EYA4: variants seen among roughly 807,000 people sequenced by gnomAD.
The protein encoded by EYA4 is protein phosphatase EYA4.
Under a neutral mutation model 87.9 loss-of-function variants are expected in EYA4, and 31 were observed. The ratio of observed to expected loss-of-function variants is 0.35; its 90% CI spans 0.27 to 0.48. EYA4 has a LOEUF of 0.48. Among genes scored for constraint, EYA4 ranks in the 20% least tolerant of loss-of-function variants. The pLI is 0.99. For missense variants in EYA4, 678 were observed against 761.4 expected (o/e 0.89, Z 1.29); for synonymous variants, 263 against 270.6 (o/e 0.97, Z 0.28).
chr6:133,506,387 A>G (rs1583494195), intron 14 of EYA4, 192 bp downstream of exon 14: 1 of 501,608 alleles, frequency 2.0e-6, no homozygotes, highest in South Asian at 2.3e-5. Context: ...TGAATAATAC[A>G]TATGTAGAAC....
At chr6:133,465,003 T>A in intron 10 of EYA4, 145 bp downstream of exon 10, 1 of 635,434 alleles carries the variant, frequency 1.6e-6, no homozygotes, top group Non-Finnish European at 2.8e-6. Flanking sequence ...TAGTAAAAAA[T>A]TAGCTATCTA....
At position 133,257,932 on chromosome 6, in the gene EYA4, C is replaced by T. The variant is rs1049425856; in HGVS notation, c.-66+16183C>T. Among the ~76,000 whole-genome samples the T allele has an allele frequency of 3.3e-5, 5 of 152,236 alleles. No homozygotes were observed. In the East Asian group the frequency reaches 7.7e-4, roughly 23 times the overall value. The stretch of plus-strand genomic sequence containing the variant: ...ACTCATTCATGCATTTTAAAAGAAT[C>T]GGTGTTTTTGTATGATACAGTCTTG... On this transcript the variant is annotated intron_variant, in intron 1 of 19. Coordinates refer to ENST00000355286, the MANE Select transcript of EYA4 (RefSeq NM_004100.5).
chr6:133,393,304 T>A (rs910144197), intron 3 of EYA4, among the ~76,000 whole-genome samples: 1 of 152,138 alleles, frequency 6.6e-6, no homozygotes, highest in Non-Finnish European at 1.5e-5. Flanking sequence ...AAAGGTACTA[T>A]TTATTGAGCA....
chr6:133,441,442 T>C (rs1304485944), intron 3 of EYA4, among the ~76,000 whole-genome samples: 1 of 152,194 alleles, frequency 6.6e-6, no homozygotes, highest in African/African-American at 2.4e-5. Context: ...TCTTTTTAAT[T>C]CTCAGCAAGG....
At chr6:133,314,016 T>C (rs1780438343) in intron 2 of EYA4, among the ~76,000 whole-genome samples, 1 of 152,218 alleles carries the variant, frequency 6.6e-6, no homozygotes, top group Admixed American at 6.5e-5. Flanking sequence ...TTGAAAGCTA[T>C]TTCTATATTT....
At chr6:133,404,949 C>T (rs144743904) in intron 3 of EYA4, among the ~76,000 whole-genome samples, 115 of 152,304 alleles carry the variant, frequency 7.6e-4, no homozygotes, top group African/African-American at 2.6e-3. Context: ...CCTGGCAGTA[C>T]CCTGCTTACT....
chr6:133,399,657 A>G (rs1788094988), intron 3 of EYA4, among the ~76,000 whole-genome samples: 4 of 152,232 alleles, frequency 2.6e-5, no homozygotes, highest in Non-Finnish European at 5.9e-5. Context: ...GTGATATGAA[A>G]CGAAAGTTCC....
intron 13 of EYA4, among the ~76,000 whole-genome samples, chr6:133,499,765 GA>G (rs1411873236): frequency 6.6e-6 from 1 of 151,948 alleles, no homozygotes; most frequent in Non-Finnish European, 1.5e-5. Context: ...GTGAAGGGTG[GA>G]AAAGGCACTC....
At chr6:133,324,503 T>G (rs1226761643) in intron 2 of EYA4, among the ~76,000 whole-genome samples, 2 of 152,168 alleles carry the variant, frequency 1.3e-5, no homozygotes, top group Non-Finnish European at 2.9e-5. Context: ...TTTTAAAAGT[T>G]TTTTTATGTA....
intron 3 of EYA4, among the ~76,000 whole-genome samples, chr6:133,389,805 C>G (rs995186248): frequency 2.0e-5 from 3 of 152,184 alleles, no homozygotes; most frequent in African/African-American, 7.2e-5. Flanking sequence ...CTATAGCCCC[C>G]CCAATTTTCT....
chr6:133,525,890 G>A, intron 19 of EYA4: 1 of 985,294 alleles, frequency 1.0e-6, no homozygotes, highest in Non-Finnish European at 1.2e-6. Flanking sequence ...GCACCAACTT[G>A]TCTTAGCCGT....
intron 2 of EYA4, among the ~76,000 whole-genome samples, chr6:133,311,505 A>G (rs1160840647): frequency 1.3e-5 from 2 of 151,290 alleles, no homozygotes; most frequent in African/African-American, 4.9e-5. Flanking sequence ...TTTTGTGGAG[A>G]TGGGAGTCTC....
At chr6:133,424,737 C>T (rs1197580449) in intron 3 of EYA4, among the ~76,000 whole-genome samples, 1 of 145,980 alleles carries the variant, frequency 6.9e-6, no homozygotes, top group Non-Finnish European at 1.5e-5. Flanking sequence ...TGCAGCTGCA[C>T]CCAGGAGGGC....
chr6:133,522,038 C>T (rs56025939), intron 17 of EYA4, among the ~76,000 whole-genome samples: 20,909 of 135,016 alleles, frequency 0.15, 1,764 homozygotes, highest in African/African-American at 0.21. Context: ...GTGGGTGCAG[C>T]GCACCAGCAT....
chr6:133,468,951 G>T (rs80258111), intron 11 of EYA4, among the ~76,000 whole-genome samples: 1 of 152,094 alleles, frequency 6.6e-6, no homozygotes, highest in African/African-American at 2.4e-5. Context: ...TCTAAATGAT[G>T]GTGTACATAT....
At position 133,468,599 on chromosome 6, in the gene EYA4, C is replaced by A. The variant is rs202030718; in HGVS notation, c.838C>A (p.Gln280Lys). The change falls in exon 11 of 20, where the codon CAG (glutamine) becomes AAG (lysine). Residue 280 changes from glutamine to lysine, a missense_variant. Coordinates refer to ENST00000355286, the MANE Select transcript of EYA4 (RefSeq NM_004100.5). ...YPSYTAFGQN[Q>K]YAQYYSASTY... is the part of the protein sequence containing the mutation. ...ATCCTATACAGCCTTTGGCCAAAACCAGTATGCACAGTATTATTCAGCATC... is the reference window on the plus strand; with the variant it reads ...ATCCTATACAGCCTTTGGCCAAAACAAGTATGCACAGTATTATTCAGCATC... 1.9e-5 allele frequency: 31 copies of A among 1,612,606 alleles called. No homozygotes were observed. Among genetic ancestry groups the A allele is most frequent in the Non-Finnish European group, 2.5e-5 (30 of 1,178,962 alleles).
In EYA4 at chr6:133,287,862, C is replaced by T. The variant is rs564283947; in HGVS notation, c.33+13049C>T. ...AAGGCTTAAACCAAGTGGCCGGGCACGGTGGCTCATGCCTGTAATCCCAGC... is the reference window on the plus strand; with the variant it reads ...AAGGCTTAAACCAAGTGGCCGGGCATGGTGGCTCATGCCTGTAATCCCAGC... On this transcript the variant is annotated intron_variant, in intron 2 of 19. Transcript: ENST00000355286. Among the ~76,000 whole-genome samples the T allele has an allele frequency of 5.3e-5, 8 of 152,186 alleles. No homozygotes were observed. In the South Asian group the frequency reaches 8.3e-4, roughly 16 times the overall value.
chr6:133,499,719 C>T (rs528843392), intron 13 of EYA4, among the ~76,000 whole-genome samples: 1 of 152,182 alleles, frequency 6.6e-6, no homozygotes, highest in African/African-American at 2.4e-5. Flanking sequence ...GACATTTGGT[C>T]CTTGAAGTTA....
At chr6:133,378,084 T>C (rs2031596) in intron 2 of EYA4, among the ~76,000 whole-genome samples, 29,080 of 151,966 alleles carry the variant, frequency 0.19, 2,974 homozygotes, top group South Asian at 0.32. Flanking sequence ...CTCAAACTCA[T>C]CAAGTTGTAT....
Sources: gnomAD v4.1 joint callset for allele counts (sites outside exome capture counted in the v4.1 genomes callset) on GRCh38, gnomAD v4.1.1 for gene constraint, MANE v1.5 for transcripts, NCBI Gene and HGNC (gene_info 2026-07-23, HGNC 2026-07-21) for gene names.